Variants in GARRE1 observed in about 807,000 individuals in gnomAD.
GARRE1 encodes granule associated Rac and RHOG effector 1.
Under a neutral mutation model 103.2 loss-of-function variants are expected in GARRE1, and 49 were observed. That is an observed-to-expected ratio of 0.47 (90% CI 0.38 to 0.60). The LOEUF (loss-of-function observed/expected upper bound fraction) is 0.60, where lower values mean the gene tolerates loss of function less well. Ranked by LOEUF, GARRE1 falls within the 20% of genes least tolerant of loss-of-function variation. The pLI, the probability that GARRE1 is intolerant of heterozygous loss-of-function variation, is 0.00. For synonymous variants in GARRE1, 505 were observed against 532.8 expected, an observed-to-expected ratio of 0.95 and a Z score of 0.72; for missense variants, 1,199 against 1,370.5, an observed-to-expected ratio of 0.87 and a Z score of 1.98.
At chr19:34,280,649 T>G (rs992479519) in intron 1 of GARRE1, among the ~76,000 whole-genome samples, 1 of 152,208 alleles carries the variant, frequency 6.6e-6, no homozygotes, top group African/African-American at 2.4e-5. Flanking sequence ...TTTATATATT[T>G]AATGATTTTC....
chr19:34,322,530 AAAAT>A (rs1267348115), intron 3 of GARRE1, among the ~76,000 whole-genome samples: 3 of 152,198 alleles, frequency 2.0e-5, no homozygotes, highest in Non-Finnish European at 4.4e-5. Flanking sequence ...TGAGAAATAA[AAAAT>A]AAATCTTAGA....
Position 34,305,980 on chromosome 19 carries a change from T to C in GARRE1, c.495+5012T>C, listed in dbSNP as rs548767242. Among the ~76,000 whole-genome samples, 6 of 152,320 alleles carry C rather than the reference T, an allele frequency of 3.9e-5. No homozygotes were observed. In the South Asian group the frequency reaches 1.2e-3, roughly 32 times the overall value. On this transcript the variant is annotated intron_variant, in intron 2 of 13. Coordinates refer to ENST00000299505, the MANE Select transcript of GARRE1 (RefSeq NM_014686.5). The stretch of plus-strand genomic sequence containing the variant: ...CTTACAAGTGAATTTCTAAATGTGA[T>C]TGCCAAGCATAGGCCCGCAGACTTC...
chr19:34,304,982 CG>C (rs1211782196), intron 2 of GARRE1, among the ~76,000 whole-genome samples: 3 of 151,784 alleles, frequency 2.0e-5, no homozygotes, highest in Admixed American at 1.3e-4. Context: ...TTAGTAGAAA[CG>C]GGGTTTCACC....
At chr19:34,319,511 A>G (rs564191098) in intron 2 of GARRE1, among the ~76,000 whole-genome samples, 1 of 152,274 alleles carries the variant, frequency 6.6e-6, no homozygotes, top group African/African-American at 2.4e-5. Flanking sequence ...TTTTAGTTGC[A>G]TGGTTTTTCC....
intron 1 of GARRE1, among the ~76,000 whole-genome samples, chr19:34,297,079 G>C (rs1207172593): frequency 6.6e-6 from 1 of 152,174 alleles, no homozygotes; most frequent in Non-Finnish European, 1.5e-5. Context: ...TTGAGGCCAG[G>C]AGTTTGAGAC....
Position 34,342,172 on chromosome 19 carries a change from C to A in GARRE1, c.2238C>A (p.Pro746=), listed in dbSNP as rs759242264. The change falls in exon 10 of 14, where the codon CCC becomes CCA. Residue 746 remains proline, a synonymous_variant. Transcript: ENST00000299505. The part of the protein sequence containing the change: ...HLLQPIGPQQ[P]PPQPRAPGKW... Reference sequence around the variant, plus strand: ...TCCAGCCCATTGGACCGCAGCAGCCCCCGCCCCAGCCTCGGGCACCTGGGA... The same window carrying A: ...TCCAGCCCATTGGACCGCAGCAGCCACCGCCCCAGCCTCGGGCACCTGGGA... The A allele has an allele frequency of 1.9e-6, 3 of 1,614,046 alleles. No homozygotes were observed. The African/African-American group carries it at 4.0e-5, about 22-fold the overall frequency.
intron 3 of GARRE1, among the ~76,000 whole-genome samples, chr19:34,321,449 T>C (rs2074088403): frequency 1.3e-5 from 2 of 151,314 alleles, no homozygotes; most frequent in African/African-American, 4.9e-5. Context: ...ATGCTTTATG[T>C]GACTTCATGA....
intron 3 of GARRE1, among the ~76,000 whole-genome samples, chr19:34,323,006 G>A (rs998135312): frequency 1.4e-5 from 2 of 147,974 alleles, no homozygotes; most frequent in Admixed American, 6.8e-5. Flanking sequence ...TAATTAACTT[G>A]GCAAAGTATT....
chr19:34,317,873 A>G (rs2074067106), intron 2 of GARRE1, among the ~76,000 whole-genome samples: 1 of 152,154 alleles, frequency 6.6e-6, no homozygotes, highest in South Asian at 2.1e-4. Context: ...ACAGGACTAA[A>G]TAGCTGCTGC....
At chr19:34,344,522 C>T (rs2074201409) in intron 10 of GARRE1, among the ~76,000 whole-genome samples, 1 of 145,294 alleles carries the variant, frequency 6.9e-6, no homozygotes, top group Non-Finnish European at 1.5e-5. Context: ...ACCCGGGAGG[C>T]GGAGCTTGCA....
chr19:34,279,772 T>G (rs1383713251), intron 1 of GARRE1, among the ~76,000 whole-genome samples: 1 of 150,698 alleles, frequency 6.6e-6, no homozygotes, highest in African/African-American at 2.4e-5. Flanking sequence ...GATCACGAGG[T>G]CAGGAGATTG....
intron 10 of GARRE1, among the ~76,000 whole-genome samples, chr19:34,344,664 G>A (rs1420988343): frequency 6.6e-6 from 1 of 151,912 alleles, no homozygotes; most frequent in East Asian, 1.9e-4. Context: ...TTAATGCTGG[G>A]GTTAACACTC....
At chr19:34,277,456 AAC>A (rs1447556940) in intron 1 of GARRE1, among the ~76,000 whole-genome samples, 1 of 152,178 alleles carries the variant, frequency 6.6e-6, no homozygotes, top group African/African-American at 2.4e-5. Flanking sequence ...CCTATGAAAA[AAC>A]ACGTGAAATT....
At chr19:34,314,091 G>A (rs1009472968) in intron 2 of GARRE1, among the ~76,000 whole-genome samples, 1 of 152,108 alleles carries the variant, frequency 6.6e-6, no homozygotes, top group African/African-American at 2.4e-5. Flanking sequence ...ATGAGCCACC[G>A]TGCCCGGCCA....
At chr19:34,259,317 C>T (rs1047539174) in intron 1 of GARRE1, among the ~76,000 whole-genome samples, 1 of 152,192 alleles carries the variant, frequency 6.6e-6, no homozygotes, top group Admixed American at 6.6e-5. Flanking sequence ...CCCTACACCT[C>T]GATTTAGACT....
intron 1 of GARRE1, among the ~76,000 whole-genome samples, chr19:34,258,995 A>G (rs2073695187): frequency 6.6e-6 from 1 of 151,992 alleles, no homozygotes; most frequent in Non-Finnish European, 1.5e-5. Context: ...AGATCAGCCT[A>G]GGCAACATAG....
intron 3 of GARRE1, among the ~76,000 whole-genome samples, chr19:34,324,503 CTTTTT>C (rs397859412): frequency 3.7e-5 from 5 of 135,478 alleles, no homozygotes; most frequent in Non-Finnish European, 8.0e-5. Context: ...CACCAGTGCA[CTTTTT>C]TTTTTTTTTT....
At chr19:34,268,504 T>C (rs2073766264) in intron 1 of GARRE1, among the ~76,000 whole-genome samples, 1 of 152,220 alleles carries the variant, frequency 6.6e-6, no homozygotes, top group Non-Finnish European at 1.5e-5. Flanking sequence ...CAGCAGGTTT[T>C]GAGAGTGAGC....
intron 2 of GARRE1, among the ~76,000 whole-genome samples, chr19:34,314,875 G>T (rs1426708479): frequency 6.6e-6 from 1 of 152,104 alleles, no homozygotes; most frequent in Non-Finnish European, 1.5e-5. Context: ...TGTCTCTGGG[G>T]ATGCATTTAG....
Sources: gnomAD v4.1 joint callset for allele counts (sites outside exome capture counted in the v4.1 genomes callset) on GRCh38, gnomAD v4.1.1 for gene constraint, MANE v1.5 for transcripts, NCBI Gene and HGNC (gene_info 2026-07-23, HGNC 2026-07-21) for gene names.